The following PPP4R3A variants were observed in gnomAD, a reference collection of about 807,000 sequenced individuals.
PPP4R3A encodes protein phosphatase 4 regulatory subunit 3A.
PPP4R3A carries 15 observed loss-of-function variants against 91.7 expected under a neutral mutation model. The ratio of observed to expected loss-of-function variants is 0.16; its 90% confidence interval spans 0.11 to 0.25. The LOEUF (loss-of-function observed/expected upper bound fraction) is 0.25. Ranked by LOEUF, PPP4R3A falls within the 10% of genes least tolerant of loss-of-function variation. The probability of loss-of-function intolerance (pLI) is 1.00; values close to 1 mark genes in which losing one functional copy is unlikely to be tolerated. For missense variants in PPP4R3A, 623 were observed against 998.4 expected, an observed-to-expected ratio of 0.62 and a Z score of 5.07; for synonymous variants, 377 against 348.7, an observed-to-expected ratio of 1.08 and a Z score of -0.91.
intron 1 of PPP4R3A, among the ~76,000 whole-genome samples, chr14:91,504,429 T>C (rs997716079): frequency 1.3e-5 from 2 of 151,044 alleles, no homozygotes; most frequent in African/African-American, 4.9e-5. Flanking sequence ...TGGTGAAACC[T>C]CGTCTCTACT....
chr14:91,468,904 G>A (rs1888662269), intron 10 of PPP4R3A, among the ~76,000 whole-genome samples: 1 of 151,680 alleles, frequency 6.6e-6, no homozygotes, highest in Non-Finnish European at 1.5e-5. Flanking sequence ...CCTCAATGTA[G>A]TGCTTATTAC....
intron 4 of PPP4R3A, among the ~76,000 whole-genome samples, chr14:91,478,398 G>C (rs1889339286): frequency 6.6e-6 from 1 of 152,234 alleles, no homozygotes; most frequent in Non-Finnish European, 1.5e-5. Flanking sequence ...TTGTGTGCAT[G>C]GGGCTATACA....
chr14:91,502,860 C>T (rs1891047034), intron 1 of PPP4R3A, among the ~76,000 whole-genome samples: 1 of 152,190 alleles, frequency 6.6e-6, no homozygotes, highest in African/African-American at 2.4e-5. Flanking sequence ...AAGGTAAAAA[C>T]TCAATGTAAG....
At chr14:91,476,740 A>C (rs1889231961) in intron 5 of PPP4R3A, among the ~76,000 whole-genome samples, 169 bp downstream of exon 5, 1 of 151,902 alleles carries the variant, frequency 6.6e-6, no homozygotes, top group African/African-American at 2.4e-5. Flanking sequence ...TAATTTTTGT[A>C]CTTTTTAGTA....
intron 1 of PPP4R3A, among the ~76,000 whole-genome samples, chr14:91,499,657 C>T (rs964124699): frequency 6.6e-6 from 1 of 151,824 alleles, no homozygotes; most frequent in African/African-American, 2.4e-5. Context: ...CTCATCTCTA[C>T]TAAAAATACA....
chr14:91,462,691 C>A (rs573233516), intron 12 of PPP4R3A, 44 bp downstream of exon 12: 1 of 1,607,368 alleles, frequency 6.2e-7, no homozygotes, highest in Non-Finnish European at 8.5e-7. Context: ...CACTACCATA[C>A]GACTTGATGC....
intron 4 of PPP4R3A, among the ~76,000 whole-genome samples, chr14:91,479,293 CGTGTGTGTGTGTGT>C (rs3029507): frequency 4.0e-4 from 58 of 144,202 alleles, no homozygotes; most frequent in East Asian, 3.7e-3. Context: ...TAAAAAACAA[CGTGTGTGTGTGTGT>C]GTGTGTGTGT....
intron 1 of PPP4R3A, among the ~76,000 whole-genome samples, chr14:91,506,389 G>A (rs914839373): frequency 6.6e-6 from 1 of 152,204 alleles, no homozygotes; most frequent in Admixed American, 6.5e-5. Flanking sequence ...TAAGAATTAC[G>A]TAAGTCAATA....
chr14:91,505,636 T>G (rs1033082518), intron 1 of PPP4R3A, among the ~76,000 whole-genome samples: 1 of 152,192 alleles, frequency 6.6e-6, no homozygotes. Flanking sequence ...TATTTTGTTC[T>G]AAAGAAATAA....
At position 91,458,347 on chromosome 14, in the gene PPP4R3A, C is replaced by T. The variant is rs974049161; in HGVS notation, c.*412G>A. 8.4e-6 allele frequency: 2 copies of T among 236,776 alleles called. No homozygotes were observed. The highest frequency in any genetic ancestry group is 4.6e-5 in the African/African-American group (2 of 43,868). The allele number at this position is 236,776 out of a possible 1,614,324, so 14.7% of individuals were successfully genotyped here. ...AGGCAGGTCTCTTTATACAAAGAAA[C>T]TGCTGGCATTCTTGACTAGTGAAGA... On this transcript the variant is annotated 3_prime_UTR_variant, in exon 15 of 15. Coordinates refer to ENST00000554943, the MANE Select transcript of PPP4R3A (RefSeq NM_001366432.2).
chr14:91,498,828 T>G (rs1000206126), intron 1 of PPP4R3A, among the ~76,000 whole-genome samples: 2 of 147,616 alleles, frequency 1.4e-5, no homozygotes, highest in Non-Finnish European at 3.0e-5. Context: ...GCAGGAGAAT[T>G]GCATGAACCC....
At chr14:91,501,447 G>C (rs146480301) in intron 1 of PPP4R3A, among the ~76,000 whole-genome samples, 176 of 152,158 alleles carry the variant, frequency 1.2e-3, no homozygotes, top group African/African-American at 4.1e-3. Context: ...CATCAAAAAT[G>C]AGTTAATGCC....
chr14:91,509,441 G>A lies in PPP4R3A; in HGVS notation c.142+65C>T, dbSNP rs1566662491. 46 of 1,533,302 alleles carry A rather than the reference G, an allele frequency of 3.0e-5. No homozygotes were observed. The South Asian group carries it at 5.0e-4, about 17-fold the overall frequency. The allele number at this position is 1,533,302 out of a possible 1,614,324, so 95.0% of individuals were successfully genotyped here. On this transcript the variant is annotated intron_variant, in intron 1 of 14. Coordinates refer to ENST00000554943, the MANE Select transcript of PPP4R3A (RefSeq NM_001366432.2). ...GTGGAGCGAGCGCCATGCCCCGCAA[G>A]AACCAGGGAGGCGGCCCAGGGCCGT...
chr14:91,475,570 CA>C, intron 7 of PPP4R3A: 1 of 96,738 alleles, frequency 1.0e-5, no homozygotes. Context: ...AGAATTAAAA[CA>C]AAACAAAACA....
intron 7 of PPP4R3A, chr14:91,475,589 A>C (rs915802363): frequency 3.7e-5 from 15 of 400,116 alleles, no homozygotes; most frequent in South Asian, 9.2e-5. Flanking sequence ...ACAAAAAAAA[A>C]CTGACATGAA....
At chr14:91,496,414 A>C (rs1180457592) in intron 1 of PPP4R3A, among the ~76,000 whole-genome samples, 8 of 152,170 alleles carry the variant, frequency 5.3e-5, no homozygotes, top group Admixed American at 5.2e-4. Context: ...CAGTCACTAA[A>C]ACAAAAAACA....
At chr14:91,465,765 C>G (rs1888438786) in intron 10 of PPP4R3A, among the ~76,000 whole-genome samples, 1 of 152,092 alleles carries the variant, frequency 6.6e-6, no homozygotes, top group South Asian at 2.1e-4. Context: ...TGAAAAAATT[C>G]AACATGACCT....
At chr14:91,500,831 A>G (rs548461285) in intron 1 of PPP4R3A, among the ~76,000 whole-genome samples, 1 of 152,218 alleles carries the variant, frequency 6.6e-6, no homozygotes, top group Admixed American at 6.5e-5. Flanking sequence ...AGACCAGCTC[A>G]AGACCAGCCC....
chr14:91,505,948 A>ATTT (rs5810541), intron 1 of PPP4R3A, among the ~76,000 whole-genome samples: 1 of 148,452 alleles, frequency 6.7e-6, no homozygotes, highest in Non-Finnish European at 1.5e-5. Flanking sequence ...TATAATTGAA[A>ATTT]TTTTTTTTTT....
Sources: gnomAD v4.1 joint callset for allele counts (sites outside exome capture counted in the v4.1 genomes callset) on GRCh38, gnomAD v4.1.1 for gene constraint, MANE v1.5 for transcripts, NCBI Gene and HGNC (gene_info 2026-07-23, HGNC 2026-07-21) for gene names.